The following WDR48 variants were observed in gnomAD, a reference collection of about 807,000 sequenced individuals.
The protein encoded by WDR48 is WD repeat domain 48, also known as WD repeat-containing protein 48.
In WDR48, 22 loss-of-function variants were observed where a neutral mutation model predicts 94.0. The ratio of observed to expected loss-of-function variants is 0.23; its 90% CI spans 0.17 to 0.33. The LOEUF (loss-of-function observed/expected upper bound fraction) is 0.33. Among genes scored for constraint, WDR48 ranks in the 10% least tolerant of loss-of-function variants. The pLI, the probability that WDR48 is intolerant of heterozygous loss-of-function variation, is 1.00. For synonymous variants in WDR48, 278 were observed against 280.5 expected (o/e 0.99, Z 0.09); for missense variants, 541 against 813.8 (o/e 0.66, Z 4.08).
At chr3:39,084,985 T>A (rs534586510) in intron 13 of WDR48, among the ~76,000 whole-genome samples, 2 of 152,208 alleles carry the variant, frequency 1.3e-5, no homozygotes, top group African/African-American at 4.8e-5. Context: ...CTCAGCACTT[T>A]GGGAGGCCGA....
chr3:39,081,851 G>A (rs941527985), intron 11 of WDR48, among the ~76,000 whole-genome samples: 1 of 152,168 alleles, frequency 6.6e-6, no homozygotes, highest in African/African-American at 2.4e-5. Flanking sequence ...CTTAGATGGG[G>A]CCAGCATACA....
intron 1 of WDR48, among the ~76,000 whole-genome samples, chr3:39,054,727 T>G (rs1407013876): frequency 6.6e-6 from 1 of 152,232 alleles, no homozygotes; most frequent in African/African-American, 2.4e-5. Flanking sequence ...CTGGCTCATT[T>G]ATAAAGAAAA....
rs1207069663 is a variant in WDR48, at chr3:39,063,040, C to A, written c.49-10C>A. ...ACTTTATAAAAAGCATATGTTGACACATTTGTCAGGTTTCCTATGTTATTC... is the reference window on the plus strand; with the variant it reads ...ACTTTATAAAAAGCATATGTTGACAAATTTGTCAGGTTTCCTATGTTATTC... On this transcript the variant is annotated splice_polypyrimidine_tract_variant and intron_variant, in intron 1 of 18. Transcript: ENST00000302313. The A allele has an allele frequency of 1.2e-6, 2 of 1,613,796 alleles. No homozygotes were observed. Among genetic ancestry groups the A allele is most frequent in the African/African-American group, 2.7e-5 (2 of 75,036 alleles).
At position 39,096,423 on chromosome 3, in the gene WDR48, G is replaced by A. The variant is rs891095527; in HGVS notation, c.*1680G>A. ...AAAAATTATTTACCAGCCCTCAGTT[G>A]TGTTTGCCCGAGGGGCCTTTGAGCA... On this transcript the variant is annotated 3_prime_UTR_variant, in exon 19 of 19. Coordinates refer to ENST00000302313, the MANE Select transcript of WDR48 (RefSeq NM_020839.4). 1 of 151,672 alleles carries A rather than the reference G, an allele frequency of 6.6e-6. No individual in the cohort carries two copies. Among genetic ancestry groups the A allele is most frequent in the East Asian group, 1.9e-4 (1 of 5,172 alleles). The allele number at this position is 151,672 out of a possible 1,614,324, so 9.4% of individuals were successfully genotyped here.
intron 9 of WDR48, 39 bp downstream of exon 9, chr3:39,077,252 G>T: frequency 1.9e-6 from 3 of 1,610,630 alleles, no homozygotes; most frequent in Non-Finnish European, 2.5e-6. Flanking sequence ...TTATAAACAT[G>T]TATTTTGTTA....
intron 4 of WDR48, 22 bp downstream of exon 4, chr3:39,066,652 T>A: frequency 6.2e-7 from 1 of 1,613,458 alleles, no homozygotes; most frequent in South Asian, 1.1e-5. Flanking sequence ...CAGTTCTCAG[T>A]GTCTTTAGTG....
intron 7 of WDR48, among the ~76,000 whole-genome samples, chr3:39,071,145 A>C (rs1275525647): frequency 6.6e-6 from 1 of 152,214 alleles, no homozygotes; most frequent in East Asian, 1.9e-4. Flanking sequence ...ATAAACATAC[A>C]GGATAGGATT....
intron 8 of WDR48, among the ~76,000 whole-genome samples, chr3:39,076,042 C>T (rs963695228): frequency 1.3e-5 from 2 of 152,120 alleles, no homozygotes; most frequent in Non-Finnish European, 2.9e-5. Context: ...ACTACTACTC[C>T]CTTTTCTCAG....
At chr3:39,084,876 A>C (rs1425520761) in intron 13 of WDR48, 135 bp downstream of exon 13, 9 of 634,062 alleles carry the variant, frequency 1.4e-5, no homozygotes, top group Middle Eastern at 2.6e-4. Flanking sequence ...TGGTATGTAC[A>C]AATACCTAAT....
In WDR48 at chr3:39,093,962, C is replaced by G; in HGVS notation, c.1834C>G (p.Gln612Glu). The G allele has an allele frequency of 6.2e-7, 1 of 1,614,024 alleles. No homozygotes were observed. Among genetic ancestry groups the G allele is most frequent in the African/African-American group, 1.3e-5 (1 of 75,024 alleles). ...AATTATCAACTTGGATAATGAGTCT[C>G]AAACCACTAGCTCTTCTAATAATGA... ...EKIINLDNES[Q>E]TTSSSNNEKP... Residue 612 changes from glutamine (Q) to glutamate (E), a missense_variant, in exon 18 of 19, where the codon CAA becomes GAA. Physicochemically the swap from Gln to Glu is conservative, Grantham distance 29 (BLOSUM62 2). This residue lies in a region of WDR48 where 109 missense variants were observed against 195.5 expected (regional missense o/e 0.56). Coordinates refer to ENST00000302313, the MANE Select transcript of WDR48 (RefSeq NM_020839.4).
intron 16 of WDR48, 115 bp downstream of exon 16, chr3:39,089,433 A>G: frequency 1.2e-6 from 1 of 861,400 alleles, no homozygotes; most frequent in Non-Finnish European, 1.7e-6. Context: ...CCCAAGTGGA[A>G]TCCCCATCTG....
intron 9 of WDR48, 181 bp from the exon 10 acceptor site, chr3:39,077,956 A>G (rs976443606): frequency 1.9e-6 from 1 of 524,498 alleles, no homozygotes; most frequent in African/African-American, 1.9e-5. Context: ...TCCCTTCTTA[A>G]AATTTGTTTC....
chr3:39,079,700 T>C lies in WDR48; in HGVS notation c.1076-11T>C. 6.6e-7 allele frequency: 1 copy of C among 1,522,588 alleles called. No homozygotes were observed. Among genetic ancestry groups the C allele is most frequent in the Non-Finnish European group, 8.8e-7 (1 of 1,137,022 alleles). 94.3% of individuals were successfully genotyped at this position (1,522,588 alleles called of 1,614,324 possible). A position where few individuals can be genotyped will look rare whatever the true frequency, so the allele number is the denominator to read the frequency against. Reference sequence around the variant, plus strand: ...GATTGTTTTACCAATTGTGTTTTTTTTTCCCATTAGGGGGTGCTAGTATTA... The same window carrying C: ...GATTGTTTTACCAATTGTGTTTTTTCTTCCCATTAGGGGGTGCTAGTATTA... On this transcript the variant is annotated splice_polypyrimidine_tract_variant and intron_variant, in intron 10 of 18. Transcript: ENST00000302313.
intron 8 of WDR48, among the ~76,000 whole-genome samples, chr3:39,075,624 C>G (rs1460298051): frequency 1.3e-5 from 2 of 152,060 alleles, no homozygotes; most frequent in Non-Finnish European, 2.9e-5. Context: ...TGAAAAATGG[C>G]CAGTCGACAT....
At chr3:39,071,348 A>G (rs1466292922) in intron 7 of WDR48, among the ~76,000 whole-genome samples, 5 of 152,218 alleles carry the variant, frequency 3.3e-5, no homozygotes, top group Admixed American at 6.5e-5. Context: ...AGAATTACCC[A>G]GTGCAGTCAG....
rs201968744 is a variant in WDR48 at position 39,080,440 on chromosome 3, TAGC to T, written c.1173+635_1173+637del. Reference sequence around the variant, plus strand: ...TGAAGCTATTCAATCACATTCCAAATAGCAGTGAAGCATTTGTAGGCAGATTAA... The same window carrying T: ...TGAAGCTATTCAATCACATTCCAAATAGTGAAGCATTTGTAGGCAGATTAA... On this transcript the variant is annotated intron_variant, in intron 11 of 18. Transcript: ENST00000302313. Among the ~76,000 whole-genome samples, 795 of 152,364 alleles carry T rather than the reference TAGC, an allele frequency of 5.2e-3. 4 individuals carry two copies. The highest frequency in any genetic ancestry group is 0.014 in the Middle Eastern group (4 of 294).
chr3:39,074,636 G>T, intron 7 of WDR48, 90 bp from the exon 8 acceptor site: 420 of 1,151,084 alleles, frequency 3.6e-4, no homozygotes, highest in Middle Eastern at 8.8e-4. Context: ...TCGTGTGTTT[G>T]ACAGTGTGGA....
chr3:39,057,418 TAGAG>T (rs1405131081), intron 1 of WDR48, among the ~76,000 whole-genome samples: 1 of 152,180 alleles, frequency 6.6e-6, no homozygotes, highest in Non-Finnish European at 1.5e-5. Flanking sequence ...ATCCAGACAG[TAGAG>T]AGACTGTTTT....
chr3:39,065,206 A>G (rs926156500), intron 2 of WDR48, among the ~76,000 whole-genome samples: 10 of 152,328 alleles, frequency 6.6e-5, no homozygotes, highest in African/African-American at 2.2e-4. Flanking sequence ...CGAATCACCT[A>G]ATTGAAATGG....
Sources: allele counts gnomAD v4.1 joint callset (sites outside exome capture counted in the v4.1 genomes callset), GRCh38; gene constraint gnomAD v4.1.1; regional missense constraint gnomAD v4.1.1; transcripts MANE v1.5; gene names NCBI Gene and HGNC (gene_info 2026-07-23, HGNC 2026-07-21).